The following DHRS4L2 variants were observed in gnomAD, a reference collection of about 807,000 sequenced individuals.
DHRS4L2 encodes dehydrogenase/reductase 4 like 2, also known as dehydrogenase/reductase SDR family member 4-like 2.
A neutral mutation model predicts 23.9 loss-of-function variants in DHRS4L2; 22 were observed. That is an observed-to-expected ratio of 0.92 (90% CI 0.66 to 1.31). The LOEUF is 1.31. DHRS4L2 is among the 40% of genes most tolerant of loss of function. DHRS4L2 has a pLI of 0.00. For missense variants in DHRS4L2, 385 were observed against 303.3 expected, an observed-to-expected ratio of 1.27 and a Z score of -2.00; for synonymous variants, 141 against 123.7, an observed-to-expected ratio of 1.14 and a Z score of -0.93.
intron 2 of DHRS4L2, among the ~76,000 whole-genome samples, chr14:23,993,573 C>G (rs1354958617): frequency 6.6e-6 from 1 of 151,418 alleles, no homozygotes; most frequent in African/African-American, 2.4e-5. Context: ...TTCAGGGTGG[C>G]TTTGTACTGA....
At chr14:24,002,086 G>A (rs1466388860) in intron 6 of DHRS4L2, among the ~76,000 whole-genome samples, 3 of 103,810 alleles carry the variant, frequency 2.9e-5, no homozygotes, top group East Asian at 5.2e-4. Context: ...ACCCACTAAC[G>A]TGTCATCTAG....
chr14:23,982,399 T>A (rs1233916372), intron 1 of DHRS4L2, among the ~76,000 whole-genome samples: 2 of 151,668 alleles, frequency 1.3e-5, no homozygotes, highest in Admixed American at 6.6e-5. Context: ...GCAAAGCAAT[T>A]GTTCAGGGTA....
At chr14:23,986,764 C>T (rs1245905957), upstream of DHRS4L2, among the ~76,000 whole-genome samples, 1 of 149,746 alleles carries the variant, frequency 6.7e-6, no homozygotes, top group Non-Finnish European at 1.5e-5. Context: ...CCCTTTGAAC[C>T]AAGCCCTGAG....
intron 1 of DHRS4L2, among the ~76,000 whole-genome samples, chr14:23,972,997 G>A (rs2033893727): frequency 6.6e-6 from 1 of 151,922 alleles, no homozygotes; most frequent in Admixed American, 6.6e-5. Flanking sequence ...CCATAGGGCA[G>A]TTTTTCTCTC....
At chr14:23,999,473 C>T (rs1428194363) in intron 3 of DHRS4L2, among the ~76,000 whole-genome samples, 1 of 148,944 alleles carries the variant, frequency 6.7e-6, no homozygotes, top group East Asian at 1.9e-4. Context: ...AACATAATGG[C>T]TGATCCTTGA....
At chr14:23,987,140 C>G, upstream of DHRS4L2, 1 of 290,982 alleles carries the variant, frequency 3.4e-6, no homozygotes, top group Non-Finnish European at 6.8e-6. Flanking sequence ...TGTTTTTTTT[C>G]TTTTTGTTGA....
At chr14:23,993,026 C>G (rs1230811113) in intron 2 of DHRS4L2, among the ~76,000 whole-genome samples, 1 of 148,010 alleles carries the variant, frequency 6.8e-6, no homozygotes, top group Admixed American at 6.7e-5. Context: ...CAAAACCCAG[C>G]CTCCTCCCAT....
chr14:23,970,524 C>T (rs2033833037), intron 1 of DHRS4L2, among the ~76,000 whole-genome samples: 1 of 152,114 alleles, frequency 6.6e-6, no homozygotes, highest in Non-Finnish European at 1.5e-5. Flanking sequence ...TCTCCAGATT[C>T]CACCTCAGGG....
At chr14:23,975,061 C>T (rs2033941074) in intron 1 of DHRS4L2, among the ~76,000 whole-genome samples, 1 of 151,720 alleles carries the variant, frequency 6.6e-6, no homozygotes. Context: ...TCTTATTCAA[C>T]ATAGTATTGG....
intron 2 of DHRS4L2, among the ~76,000 whole-genome samples, chr14:23,993,504 A>G (rs75546034): frequency 0.033 from 4,969 of 151,666 alleles, 169 homozygotes; most frequent in Middle Eastern, 0.065. Flanking sequence ...AAGGGCCCAC[A>G]TACTGCAACT....
chr14:23,971,412 G>C (rs377473098), intron 1 of DHRS4L2, among the ~76,000 whole-genome samples: 1 of 151,804 alleles, frequency 6.6e-6, no homozygotes, highest in Non-Finnish European at 1.5e-5. Context: ...AGTGATTGAA[G>C]ATAAAATTAA....
At chr14:23,983,522 C>A (rs112663076) in intron 1 of DHRS4L2, among the ~76,000 whole-genome samples, 138 of 151,774 alleles carry the variant, frequency 9.1e-4, no homozygotes, top group Middle Eastern at 3.4e-3. Flanking sequence ...CCAGCAATCC[C>A]ATTACTGGGT....
chr14:24,006,202 AAGGCCTCCCCTGAGAACACAGGAC>A lies in DHRS4L2; in HGVS notation c.*346_*369del. The A allele has an allele frequency of 9.9e-7, 1 of 1,005,666 alleles. No individual in the cohort carries two copies. Among genetic ancestry groups the A allele is most frequent in the Non-Finnish European group, 1.4e-6 (1 of 723,954 alleles). The allele number at this position is 1,005,666 out of a possible 1,614,324, so 62.3% of individuals were successfully genotyped here. A position where few individuals can be genotyped will look rare whatever the true frequency, so the allele number is the denominator to read the frequency against. On this transcript the variant is annotated 3_prime_UTR_variant, in exon 8 of 8. Coordinates refer to ENST00000335125, the MANE Select transcript of DHRS4L2 (RefSeq NM_198083.4). ...CCTGCTGTTGTTGTGGCCTTGGGTAAAGGCCTCCCCTGAGAACACAGGACAGGCCTGCTGACAAGGCTGAGTCTA... is the reference window on the plus strand; with the variant it reads ...CCTGCTGTTGTTGTGGCCTTGGGTAAAGGCCTGCTGACAAGGCTGAGTCTA...
In DHRS4L2 at chr14:23,982,204, T is replaced by C. The variant is rs2034067306; in HGVS notation, c.-175-7978T>C. ...GGTCCCTGCGGCTTTCCGCAGTGCA[T>C]TGTGCCCCTGATTTATTGAGACTGA... is the stretch of plus-strand genomic sequence containing the variant. On this transcript the variant is annotated intron_variant, in intron 1 of 5. Coordinates refer to the DHRS4L2 transcript ENST00000534993. Among the ~76,000 whole-genome samples the C allele has an allele frequency of 2.0e-5, 3 of 151,648 alleles. No homozygotes were observed. In the South Asian group the frequency reaches 6.3e-4, roughly 32 times the overall value.
chr14:24,000,392 T>A (rs1243702724), intron 3 of DHRS4L2, among the ~76,000 whole-genome samples: 2 of 150,700 alleles, frequency 1.3e-5, no homozygotes, highest in Non-Finnish European at 3.0e-5. Context: ...CAGTCCTTCC[T>A]AGAGGGCCAA....
chr14:23,970,366 C>T (rs2332158), intron 1 of DHRS4L2: 9 of 400,108 alleles, frequency 2.2e-5, no homozygotes, highest in Non-Finnish European at 4.0e-5. Context: ...GGCGGGGGGC[C>T]GAAACTGCAT....
At chr14:23,994,851 A>G (rs77951062) in intron 2 of DHRS4L2, among the ~76,000 whole-genome samples, 181 bp from the exon 3 acceptor site, 31,120 of 148,434 alleles carry the variant, frequency 0.21, 3,462 homozygotes, top group East Asian at 0.35. Flanking sequence ...GTCTCGCTGC[A>G]TGGCCCAGGC....
chr14:23,982,537 C>T (rs1463909905), intron 1 of DHRS4L2, among the ~76,000 whole-genome samples: 1 of 109,708 alleles, frequency 9.1e-6, no homozygotes, highest in East Asian at 3.9e-4. Flanking sequence ...GGAGGCATCA[C>T]GCTACCTGAC....
chr14:23,996,065 A>T (rs1483236196), intron 3 of DHRS4L2, among the ~76,000 whole-genome samples: 2 of 151,718 alleles, frequency 1.3e-5, no homozygotes, highest in African/African-American at 4.8e-5. Context: ...AGTGTGTCAC[A>T]TGGCAAGACA....
Sources: gnomAD v4.1 joint callset for allele counts (sites outside exome capture counted in the v4.1 genomes callset) on GRCh38, gnomAD v4.1.1 for gene constraint, MANE v1.5 for transcripts, NCBI Gene and HGNC (gene_info 2026-07-23, HGNC 2026-07-21) for gene names.